The following RIMS2 variants were observed in gnomAD, a reference collection of about 807,000 sequenced individuals.
RIMS2 encodes regulating synaptic membrane exocytosis protein 2.
A neutral mutation model predicts 174.4 loss-of-function variants in RIMS2; 59 were observed. The observed-to-expected ratio is 0.34, with a 90% CI of 0.27 to 0.42. RIMS2 has a LOEUF of 0.42. RIMS2 is among the 10% of genes least tolerant of loss of function. RIMS2 has a pLI of 1.00. For synonymous variants in RIMS2, 606 were observed against 572.5 expected, an observed-to-expected ratio of 1.06 and a Z score of -0.84; for missense variants, 1,620 against 1,666.3, an observed-to-expected ratio of 0.97 and a Z score of 0.48.
intron 15 of RIMS2, 110 bp from the exon 18 acceptor site, chr8:103,975,240 T>C (rs2093316307): frequency 6.5e-6 from 4 of 617,240 alleles, no homozygotes; most frequent in Non-Finnish European, 8.4e-6. Context: ...ATATTTAATA[T>C]ATTAGAAGTC....
At chr8:103,788,951 A>G (rs2098469944) in intron 3 of RIMS2, among the ~76,000 whole-genome samples, 1 of 152,198 alleles carries the variant, frequency 6.6e-6, no homozygotes, top group Non-Finnish European at 1.5e-5. Context: ...CCTCTGAGCC[A>G]GGTGCGGGAT....
At chr8:103,726,740 T>G (rs547064307) in intron 2 of RIMS2, among the ~76,000 whole-genome samples, 1 of 147,968 alleles carries the variant, frequency 6.8e-6, no homozygotes, top group African/African-American at 2.4e-5. Flanking sequence ...TATATATATA[T>G]ATATATTTTT....
chr8:103,613,885 C>G (rs1471185005), intron 1 of RIMS2, among the ~76,000 whole-genome samples: 1 of 152,146 alleles, frequency 6.6e-6, no homozygotes, highest in Non-Finnish European at 1.5e-5. Flanking sequence ...AGTGCCCTGT[C>G]CTGCTGTGGC....
chr8:104,136,652 A>C (rs2133285043), intron 19 of RIMS2, among the ~76,000 whole-genome samples: 1 of 152,320 alleles, frequency 6.6e-6, no homozygotes, highest in Admixed American at 6.5e-5. Context: ...TTGCAGGGAC[A>C]TGGATAGAGC....
intron 1 of RIMS2, among the ~76,000 whole-genome samples, chr8:103,630,145 CA>C (rs56238550): frequency 0.2 from 23,925 of 122,288 alleles, 1,855 homozygotes; most frequent in Middle Eastern, 0.24. Flanking sequence ...AAACTGAAGA[CA>C]AAAAAAAAAA....
intron 4 of RIMS2, among the ~76,000 whole-genome samples, chr8:103,887,260 A>C (rs2099209069): frequency 6.6e-6 from 1 of 151,518 alleles, no homozygotes; most frequent in Admixed American, 6.6e-5. Flanking sequence ...TCTGGGTATT[A>C]GTTTTTCTAT....
At chr8:104,121,710 C>T (rs1263085302) in intron 19 of RIMS2, among the ~76,000 whole-genome samples, 1 of 152,088 alleles carries the variant, frequency 6.6e-6, no homozygotes, top group Non-Finnish European at 1.5e-5. Context: ...GCCTGTAATC[C>T]CAGCACTTTG....
At chr8:103,712,319 T>C (rs767332829) in intron 2 of RIMS2, among the ~76,000 whole-genome samples, 57 of 152,060 alleles carry the variant, frequency 3.7e-4, no homozygotes, top group Non-Finnish European at 7.5e-4. Context: ...GCTTAAAACT[T>C]AAATGTTAAT....
At chr8:104,169,528 T>C (rs1362515678) in intron 19 of RIMS2, among the ~76,000 whole-genome samples, 1 of 151,788 alleles carries the variant, frequency 6.6e-6, no homozygotes, top group Non-Finnish European at 1.5e-5. Flanking sequence ...GGCTGTAATA[T>C]CTCCAGTTTC....
chr8:103,826,788 CCTTCTT>C (rs1412808254), intron 3 of RIMS2, among the ~76,000 whole-genome samples: 1 of 151,310 alleles, frequency 6.6e-6, no homozygotes, highest in Non-Finnish European at 1.5e-5. Flanking sequence ...CTCAAGTGAT[CCTTCTT>C]CCTCAGCCTC....
intron 19 of RIMS2, among the ~76,000 whole-genome samples, chr8:104,140,182 C>T (rs565901516): frequency 7.2e-5 from 11 of 152,074 alleles, no homozygotes; most frequent in Admixed American, 5.9e-4. Context: ...AAGATTTTTG[C>T]ATCTTAAAAC....
At chr8:103,721,092 T>TA (rs2097441582) in intron 2 of RIMS2, among the ~76,000 whole-genome samples, 2 of 152,154 alleles carry the variant, frequency 1.3e-5, no homozygotes, top group Admixed American at 1.3e-4. Flanking sequence ...GTTCTCCTGA[T>TA]AGAGTTCTTA....
At chr8:104,069,832 C>A (rs958263123) in intron 19 of RIMS2, among the ~76,000 whole-genome samples, 5 of 152,002 alleles carry the variant, frequency 3.3e-5, no homozygotes, top group Non-Finnish European at 5.9e-5. Flanking sequence ...TGATATTATT[C>A]GTGGTCAAAG....
intron 1 of RIMS2, among the ~76,000 whole-genome samples, chr8:103,696,088 CAT>C (rs1414521114): frequency 1.3e-5 from 2 of 152,192 alleles, no homozygotes; most frequent in Admixed American, 1.3e-4. Flanking sequence ...AACAATTACA[CAT>C]ATGGTAGGTT....
chr8:104,171,178 T>C (rs976894487), intron 19 of RIMS2, among the ~76,000 whole-genome samples: 32 of 152,136 alleles, frequency 2.1e-4, no homozygotes, highest in Non-Finnish European at 4.0e-4. Flanking sequence ...TATTTAGATG[T>C]CCAGATCTCT....
intron 19 of RIMS2, among the ~76,000 whole-genome samples, chr8:104,242,955 CA>C (rs1218549634): frequency 1.3e-5 from 2 of 152,148 alleles, no homozygotes; most frequent in Non-Finnish European, 2.9e-5. Flanking sequence ...ATCCTTTCTA[CA>C]ACCTTTCATC....
chr8:103,857,356 T>A (rs550929040), intron 3 of RIMS2, among the ~76,000 whole-genome samples: 2 of 152,204 alleles, frequency 1.3e-5, no homozygotes, highest in Non-Finnish European at 2.9e-5. Flanking sequence ...CATATTGTAA[T>A]GCTCACTTGT....
At chr8:104,168,753 T>C (rs1460383144) in intron 19 of RIMS2, among the ~76,000 whole-genome samples, 3 of 152,160 alleles carry the variant, frequency 2.0e-5, no homozygotes, top group African/African-American at 7.2e-5. Context: ...TTTCAACTTT[T>C]CCACGTTCAG....
chr8:104,248,224 G>A (rs750114767), intron 20 of RIMS2, among the ~76,000 whole-genome samples: 4 of 152,008 alleles, frequency 2.6e-5, no homozygotes, highest in Admixed American at 2.6e-4. Context: ...AACTGGAGAG[G>A]GAAATGGGGT....
Sources: gnomAD v4.1 joint callset for allele counts (sites outside exome capture counted in the v4.1 genomes callset) on GRCh38, gnomAD v4.1.1 for gene constraint, MANE v1.5 for transcripts, NCBI Gene and HGNC (gene_info 2026-07-23, HGNC 2026-07-21) for gene names.